Variants in HNRNPF observed in about 807,000 individuals in gnomAD.
HNRNPF encodes the protein heterogeneous nuclear ribonucleoprotein F, also known as HnRNP F protein.
Under a neutral mutation model 26.0 loss-of-function variants are expected in HNRNPF, and 2 were observed. The observed-to-expected ratio is 0.08, with a 90% CI of 0.03 to 0.24. The LOEUF (loss-of-function observed/expected upper bound fraction) is 0.24, where lower values mean the gene tolerates loss of function less well. HNRNPF is among the 10% of genes least tolerant of loss of function. The pLI, the probability that HNRNPF is intolerant of heterozygous loss-of-function variation, is 1.00. For synonymous variants in HNRNPF, 234 were observed against 211.5 expected (o/e 1.11, Z -0.92); for missense variants, 299 against 539.2 (o/e 0.55, Z 4.41).
chr10:43,402,144 GAACTAA>G (rs1349021142), intron 1 of HNRNPF, among the ~76,000 whole-genome samples: 2 of 151,974 alleles, frequency 1.3e-5, no homozygotes, highest in Non-Finnish European at 2.9e-5. Context: ...AAACTTTCTG[GAACTAA>G]AACTGAGTTT....
intron 3 of HNRNPF, among the ~76,000 whole-genome samples, chr10:43,390,322 T>C (rs1238533062): frequency 6.6e-6 from 1 of 152,318 alleles, no homozygotes; most frequent in South Asian, 2.1e-4. Context: ...TCTTTGACCA[T>C]ACCCTGGTCT....
At chr10:43,391,169 T>G (rs997844029) in intron 3 of HNRNPF, among the ~76,000 whole-genome samples, 1 of 152,036 alleles carries the variant, frequency 6.6e-6, no homozygotes, top group African/African-American at 2.4e-5. Flanking sequence ...GGTGGGCACC[T>G]GTAGTCCCAG....
At chr10:43,397,956 A>C (rs906219986) in intron 1 of HNRNPF, among the ~76,000 whole-genome samples, 13 of 152,340 alleles carry the variant, frequency 8.5e-5, no homozygotes, top group South Asian at 4.1e-4. Flanking sequence ...ATTTTTATTA[A>C]AGCTCCTGAT....
intron 3 of HNRNPF, among the ~76,000 whole-genome samples, chr10:43,388,966 A>ATTTT (rs141503011): frequency 1.6e-5 from 2 of 127,098 alleles, no homozygotes; most frequent in African/African-American, 3.1e-5. Context: ...AGTATATGGA[A>ATTTT]TTTTTTTTTT....
In HNRNPF at chr10:43,386,918, G is replaced by A; in HGVS notation, c.967C>T (p.Pro323Ser). 1 of 1,614,054 alleles carries A rather than the reference G, an allele frequency of 6.2e-7. No individual in the cohort carries two copies. Among genetic ancestry groups the A allele is most frequent in the South Asian group, 1.1e-5 (1 of 91,082 alleles). Residue 323 changes from proline (P) to serine (S), a missense_variant, in exon 4 of 4, where the codon CCA (proline) becomes TCA (serine). By Grantham distance (74) the Pro-to-Ser change is moderately conservative (BLOSUM62 -1). Around this residue, in one of 6 missense-constraint regions of HNRNPF, gnomAD observed 36 missense variants for 93.8 expected, o/e 0.38. Transcript: ENST00000682386. ...GCTTCACCCGTCACTCTTCCATCTG[G>A]GCCAATCTCAATATGGACTCTCACA... ...NPVRVHIEIG[P>S]DGRVTGEADV... is the part of the protein sequence containing the mutation.
rs1838095530 is a variant in HNRNPF at position 43,387,949 on chromosome 10, A to G, written c.-52-13T>C. 7.1e-7 allele frequency: 1 copy of G among 1,416,632 alleles called. No homozygotes were observed. The highest frequency in any genetic ancestry group is 9.6e-7 in the Non-Finnish European group (1 of 1,041,464). The allele number at this position is 1,416,632 out of a possible 1,614,324, so 87.8% of individuals were successfully genotyped here. On this transcript the variant is annotated splice_polypyrimidine_tract_variant and intron_variant, in intron 3 of 3. Coordinates refer to ENST00000682386, the MANE Select transcript of HNRNPF (RefSeq NM_001098204.2). The surrounding 1 kb of genome is among the most constrained non-coding windows in gnomAD (Gnocchi z 6.0). ...GGCTTTTTTGTGGCTGGAAAAAAAA[A>G]AAAGAAAAATTTATTTAGTATGCAA...
At chr10:43,393,633 G>T (rs1180450465) in intron 3 of HNRNPF, among the ~76,000 whole-genome samples, 1 of 152,036 alleles carries the variant, frequency 6.6e-6, no homozygotes, top group South Asian at 2.1e-4. Flanking sequence ...CAGTGGCTAG[G>T]CCTTACTGCA....
rs941896567 is a variant in HNRNPF at position 43,395,433 on chromosome 10, G to A, written c.-111-745C>T. ...CCAAAGGACTAGGACACGGGCTGAG[G>A]GCTATGGAATTCTGAGAACTAAGCT... On this transcript the variant is annotated intron_variant, in intron 2 of 3. Transcript: ENST00000682386. Among the ~76,000 whole-genome samples the A allele has an allele frequency of 6.6e-5, 10 of 152,162 alleles. No individual in the cohort carries two copies. The East Asian group carries it at 9.6e-4, about 15-fold the overall frequency.
At chr10:43,398,278 C>T (rs1838633573) in intron 1 of HNRNPF, among the ~76,000 whole-genome samples, 3 of 151,896 alleles carry the variant, frequency 2.0e-5, no homozygotes, top group Admixed American at 2.0e-4. Flanking sequence ...CCTGCCTCGG[C>T]CTCCCAAAGT....
At chr10:43,395,420 G>T (rs1838445033) in intron 2 of HNRNPF, among the ~76,000 whole-genome samples, 1 of 152,166 alleles carries the variant, frequency 6.6e-6, no homozygotes, top group South Asian at 2.1e-4. Context: ...AAAGGACTAG[G>T]ACACGGGCTG....
intron 1 of HNRNPF, among the ~76,000 whole-genome samples, chr10:43,400,964 C>T (rs1158295311): frequency 6.6e-6 from 1 of 152,166 alleles, no homozygotes; most frequent in Non-Finnish European, 1.5e-5. Flanking sequence ...CACCTGTAGT[C>T]CCAGCTACTC....
rs756642926 is a variant in HNRNPF at position 43,387,083 on chromosome 10, G to A, written c.802C>T (p.Leu268Phe). 3 of 1,613,238 alleles carry A rather than the reference G, an allele frequency of 1.9e-6. No homozygotes were observed. The highest frequency in any genetic ancestry group is 4.5e-5 in the East Asian group (2 of 44,872). The change falls in exon 4 of 4, where the codon CTC becomes TTC. Residue 268 changes from leucine to phenylalanine, a missense_variant. Transcript: ENST00000682386. The surrounding 1 kb of genome is among the most constrained non-coding windows in gnomAD (Gnocchi z 6.0). The part of the protein sequence containing the change: ...DLFGRDLSYC[L>F]SGMYDHRYGD... The stretch of plus-strand genomic sequence containing the variant: ...TATCTGTGGTCATACATTCCGGAGA[G>A]ACAGTAGCTGAGGTCTCTCCCGAAC...
intron 1 of HNRNPF, among the ~76,000 whole-genome samples, chr10:43,405,554 G>A (rs1838888878): frequency 1.3e-5 from 2 of 152,118 alleles, no homozygotes; most frequent in South Asian, 2.1e-4. Context: ...AACTCGGGAG[G>A]CTGAGGCAGG....
chr10:43,392,947 T>C (rs1396379444), intron 3 of HNRNPF, among the ~76,000 whole-genome samples: 2 of 152,166 alleles, frequency 1.3e-5, no homozygotes, highest in African/African-American at 2.4e-5. Context: ...AATAGCAACA[T>C]GACTGCCCCT....
chr10:43,390,349 A>C (rs1048415945), intron 3 of HNRNPF, among the ~76,000 whole-genome samples: 1 of 152,154 alleles, frequency 6.6e-6, no homozygotes, highest in Non-Finnish European at 1.5e-5. Context: ...TCACTCATGA[A>C]AAGTATCTGA....
chr10:43,406,802 G>A (rs749765477), intron 1 of HNRNPF, among the ~76,000 whole-genome samples: 1 of 152,080 alleles, frequency 6.6e-6, no homozygotes. Context: ...GAGCCACCTC[G>A]CCCGGCCGAT....
intron 1 of HNRNPF, among the ~76,000 whole-genome samples, chr10:43,400,544 A>C (rs1838719877): frequency 6.6e-6 from 1 of 152,298 alleles, no homozygotes; most frequent in South Asian, 2.1e-4. Flanking sequence ...GGAAATATTG[A>C]AAATTGGGTT....
rs1391500961 is a variant in HNRNPF, at chr10:43,386,159, TTAGTA to T, written c.*473_*477del. On this transcript the variant is annotated 3_prime_UTR_variant, in exon 4 of 4. Transcript: ENST00000682386. ...CAAGGCCTCACCAATTCCTACAGTA[TTAGTA>T]TTGTGTCTCAATTCTCAAAACTAAC... 6.5e-6 allele frequency: 1 copy of T among 153,208 alleles called. No homozygotes were observed. The highest frequency in any genetic ancestry group is 6.5e-5 in the Admixed American group (1 of 15,338). The allele number at this position is 153,208 out of a possible 1,614,324, so 9.5% of individuals were successfully genotyped here.
intron 1 of HNRNPF, among the ~76,000 whole-genome samples, chr10:43,403,928 G>A (rs575762651): frequency 7.2e-5 from 11 of 152,028 alleles, no homozygotes; most frequent in Non-Finnish European, 1.3e-4. Flanking sequence ...GGAGGTTGAG[G>A]CTGCAGTGAG....
Sources: allele counts gnomAD v4.1 joint callset (sites outside exome capture counted in the v4.1 genomes callset), GRCh38; gene constraint gnomAD v4.1.1; regional missense constraint gnomAD v4.1.1; non-coding constraint Gnocchi (gnomAD v3.1); transcripts MANE v1.5; gene names NCBI Gene and HGNC (gene_info 2026-07-23, HGNC 2026-07-21).